The following DARS1 variants were observed in gnomAD, a reference collection of about 807,000 sequenced individuals.
DARS1 encodes aspartyl-tRNA synthetase 1.
Under a neutral mutation model 68.8 loss-of-function variants are expected in DARS1, and 51 were observed. The observed-to-expected ratio is 0.74, with a 90% CI of 0.59 to 0.94. The LOEUF (loss-of-function observed/expected upper bound fraction) is 0.94, where lower values mean the gene tolerates loss of function less well. Ranked by LOEUF, DARS1 falls within the 40% of genes least tolerant of loss-of-function variation. DARS1 has a pLI of 0.00. For synonymous variants in DARS1, 203 were observed against 190.4 expected, an observed-to-expected ratio of 1.07 and a Z score of -0.55; for missense variants, 607 against 597.3, an observed-to-expected ratio of 1.02 and a Z score of -0.17.
chr2:135,967,646 C>A (rs932183333), intron 3 of DARS1, among the ~76,000 whole-genome samples: 8 of 151,984 alleles, frequency 5.3e-5, no homozygotes, highest in African/African-American at 1.9e-4. Flanking sequence ...AATATACAGG[C>A]TTTTCTTGTT....
chr2:135,916,671 T>C (rs1681012397), intron 10 of DARS1, among the ~76,000 whole-genome samples: 1 of 152,206 alleles, frequency 6.6e-6, no homozygotes, highest in Admixed American at 6.5e-5. Flanking sequence ...ATCTGACTTT[T>C]TAATCCTTTA....
At chr2:135,979,844 G>A (rs896445031) in intron 2 of DARS1, among the ~76,000 whole-genome samples, 3 of 152,152 alleles carry the variant, frequency 2.0e-5, no homozygotes, top group Admixed American at 6.5e-5. Context: ...CTGAACAGTC[G>A]CAGTATCCTA....
intron 7 of DARS1, among the ~76,000 whole-genome samples, chr2:135,928,103 G>A (rs576900605): frequency 3.2e-4 from 49 of 152,234 alleles, no homozygotes; most frequent in Middle Eastern, 3.4e-3. Context: ...AGTACTTAGC[G>A]CCTTACAATC....
rs917181294 is a variant in DARS1 at position 135,907,489 on chromosome 2, C to T, written c.1415-82G>A. On this transcript the variant is annotated intron_variant, in intron 15 of 15. Coordinates refer to ENST00000264161, the MANE Select transcript of DARS1 (RefSeq NM_001349.4). The stretch of plus-strand genomic sequence containing the variant: ...TTAGAACTACAAACATAAATGTAAT[C>T]GTTAAACTAAATACTTTTCCTTGTT... 23 of 859,756 alleles carry T rather than the reference C, an allele frequency of 2.7e-5. No individual in the cohort carries two copies. The African/African-American group carries it at 3.4e-4, about 13-fold the overall frequency. The allele number at this position is 859,756 out of a possible 1,614,324, so 53.3% of individuals were successfully genotyped here.
rs552455695 is a variant in DARS1, at chr2:135,947,277, G to A, written c.321-3797C>T. On this transcript the variant is annotated intron_variant, in intron 4 of 15. Coordinates refer to ENST00000264161, the MANE Select transcript of DARS1 (RefSeq NM_001349.4). The stretch of plus-strand genomic sequence containing the variant: ...AAAAAAATTAGCTGGGTGTGGTGGC[G>A]TGGCCCTGTAGCCCCAGCTACTCTG... Among the ~76,000 whole-genome samples the A allele has an allele frequency of 1.6e-4, 25 of 151,934 alleles. No individual in the cohort carries two copies. In the South Asian group the frequency reaches 4.6e-3, roughly 28 times the overall value.
intron 4 of DARS1, among the ~76,000 whole-genome samples, chr2:135,946,514 G>A (rs1681725455): frequency 6.6e-6 from 1 of 152,132 alleles, no homozygotes; most frequent in Non-Finnish European, 1.5e-5. Flanking sequence ...AAGGGTAGGC[G>A]GAATGAAGGA....
In DARS1 at chr2:135,907,603, A is replaced by G. The variant is rs537444284; in HGVS notation, c.1415-196T>C. Among the ~76,000 whole-genome samples the G allele has an allele frequency of 1.7e-4, 26 of 152,342 alleles. No homozygotes were observed. The East Asian group carries it at 4.8e-3, about 28-fold the overall frequency. On this transcript the variant is annotated intron_variant, in intron 15 of 15. Transcript: ENST00000264161. ...AATAAAGATGCTGCTATAAATGAAAAGGACTAAGTAATATATCCTTGAGTG... is the reference window on the plus strand; with the variant it reads ...AATAAAGATGCTGCTATAAATGAAAGGGACTAAGTAATATATCCTTGAGTG...
intron 7 of DARS1, among the ~76,000 whole-genome samples, chr2:135,925,865 T>C (rs1483013905): frequency 6.6e-6 from 1 of 152,210 alleles, no homozygotes; most frequent in Non-Finnish European, 1.5e-5. Flanking sequence ...TACTGACAAA[T>C]GTACAGAGAT....
chr2:135,955,076 C>G (rs1681941486), intron 4 of DARS1, among the ~76,000 whole-genome samples: 1 of 150,742 alleles, frequency 6.6e-6, no homozygotes, highest in African/African-American at 2.4e-5. Context: ...TGGGGGATGA[C>G]CAAATTTTAT....
chr2:135,908,599 T>C (rs957856730), intron 15 of DARS1, among the ~76,000 whole-genome samples: 35 of 152,240 alleles, frequency 2.3e-4, no homozygotes, highest in African/African-American at 6.0e-4. Flanking sequence ...TTTTTAACAA[T>C]TGCCATTCTG....
intron 4 of DARS1, among the ~76,000 whole-genome samples, chr2:135,951,172 T>C (rs537962688): frequency 2.6e-5 from 4 of 152,200 alleles, no homozygotes; most frequent in South Asian, 2.1e-4. Context: ...TAACTCGATA[T>C]AGTTAAGCTT....
intron 3 of DARS1, among the ~76,000 whole-genome samples, chr2:135,976,029 A>G (rs924844432): frequency 1.3e-5 from 2 of 152,238 alleles, no homozygotes; most frequent in African/African-American, 2.4e-5. Context: ...ATTTAATTCT[A>G]TAATGCTTGA....
Position 135,983,422 on chromosome 2 carries a change from T to C in DARS1, c.99A>G (p.Ser33=). 1 of 1,242,784 alleles carries C rather than the reference T, an allele frequency of 8.0e-7. No individual in the cohort carries two copies. The highest frequency in any genetic ancestry group is 1.2e-6 in the Non-Finnish European group (1 of 848,200). The allele number at this position is 1,242,784 out of a possible 1,614,324, so 77.0% of individuals were successfully genotyped here. Residue 33 remains serine (S), a synonymous_variant, in exon 2 of 16, where the codon TCA becomes TCG. Transcript: ENST00000264161. ...DYAKERYGIS[S]MIQSQEKPDR... The stretch of plus-strand genomic sequence containing the variant: ...CTGGTTTTTCTTGTGATTGTATCAT[T>C]GAAGATATTCCATATCTCTCTTTAG...
At chr2:135,948,072 G>C (rs1453182366) in intron 4 of DARS1, among the ~76,000 whole-genome samples, 1 of 152,202 alleles carries the variant, frequency 6.6e-6, no homozygotes, top group Non-Finnish European at 1.5e-5. Flanking sequence ...TCTGACAGCA[G>C]ATTTTAGACC....
chr2:135,954,442 G>A lies in DARS1; in HGVS notation c.320+6954C>T, dbSNP rs569808518. On this transcript the variant is annotated intron_variant, in intron 4 of 15. Transcript: ENST00000264161. ...TGGGGCTGTTGTGTGGATCAAGTGAGAAAAAAATCTGGCACTTTGTGGCTC... is the reference window on the plus strand; with the variant it reads ...TGGGGCTGTTGTGTGGATCAAGTGAAAAAAAAATCTGGCACTTTGTGGCTC... Among the ~76,000 whole-genome samples the A allele has an allele frequency of 3.2e-4, 49 of 151,694 alleles. 1 individual carries two copies. Among genetic ancestry groups the A allele is most frequent in the African/African-American group, 1.1e-3 (45 of 41,344 alleles).
At chr2:135,953,717 C>T (rs1028961498) in intron 4 of DARS1, among the ~76,000 whole-genome samples, 21 of 152,042 alleles carry the variant, frequency 1.4e-4, no homozygotes, top group Non-Finnish European at 2.8e-4. Flanking sequence ...ATTTTTAGAG[C>T]ATGCTTTTTA....
intron 7 of DARS1, among the ~76,000 whole-genome samples, chr2:135,927,211 C>G (rs1490856892): frequency 6.6e-6 from 1 of 152,072 alleles, no homozygotes; most frequent in African/African-American, 2.4e-5. Flanking sequence ...TCCAACTTAT[C>G]AGTAAGATTA....
At chr2:135,969,537 G>T (rs972810201) in intron 3 of DARS1, among the ~76,000 whole-genome samples, 2 of 150,624 alleles carry the variant, frequency 1.3e-5, no homozygotes, top group Non-Finnish European at 3.0e-5. Context: ...ACTTAGAATA[G>T]AATTTTCCAG....
rs746657526 is a variant in DARS1 at position 135,911,156 on chromosome 2, T to G, written c.1397A>C (p.His466Pro). The change falls in exon 15 of 16, where the codon CAT becomes CCT. Residue 466 changes from histidine (H) to proline (P), a missense_variant. His to Pro is a moderately conservative substitution (Grantham distance 77, BLOSUM62 -2). Coordinates refer to ENST00000264161, the MANE Select transcript of DARS1 (RefSeq NM_001349.4). ...IDSFRFGAPP[H>P]AGGGIGLERV... Reference sequence around the variant, plus strand: ...AATATTACCAATGCCTCCACCAGCATGAGGAGGGGCTCCAAAGCGGAAGGA... The same window carrying G: ...AATATTACCAATGCCTCCACCAGCAGGAGGAGGGGCTCCAAAGCGGAAGGA... The G allele has an allele frequency of 6.0e-6, 9 of 1,491,616 alleles. No homozygotes were observed. 92.4% of individuals were successfully genotyped at this position (1,491,616 alleles called of 1,614,324 possible). A position where few individuals can be genotyped will look rare whatever the true frequency, so the allele number is the denominator to read the frequency against.
Sources: gnomAD v4.1 joint callset for allele counts (sites outside exome capture counted in the v4.1 genomes callset) on GRCh38, gnomAD v4.1.1 for gene constraint, MANE v1.5 for transcripts, NCBI Gene and HGNC (gene_info 2026-07-23, HGNC 2026-07-21) for gene names.